Variants in SETD7 observed in about 807,000 individuals in gnomAD.
SETD7 encodes the protein SET domain containing 7, histone lysine methyltransferase.
A neutral mutation model predicts 41.8 loss-of-function variants in SETD7; 16 were observed. The ratio of observed to expected loss-of-function variants is 0.38; its 90% CI spans 0.26 to 0.58. The LOEUF is 0.58. Ranked by LOEUF, SETD7 falls within the 20% of genes least tolerant of loss-of-function variation. The pLI, the probability that SETD7 is intolerant of heterozygous loss-of-function variation, is 0.64. For missense variants in SETD7, 346 were observed against 459.7 expected, an observed-to-expected ratio of 0.75 and a Z score of 2.26; for synonymous variants, 163 against 169.7, an observed-to-expected ratio of 0.96 and a Z score of 0.31.
chr4:139,494,280 T>C (rs1038937592), downstream of SETD7, among the ~76,000 whole-genome samples: 28 of 152,192 alleles, frequency 1.8e-4, 1 homozygote, highest in Non-Finnish European at 7.3e-5. Context: ...TCAGATTGAA[T>C]GTACTCTCTC....
chr4:139,523,511 G>A (rs932756067), intron 4 of SETD7, 76 bp from the exon 5 acceptor site: 2 of 1,064,854 alleles, frequency 1.9e-6, no homozygotes, highest in South Asian at 1.5e-5. Context: ...TCTATTCATG[G>A]GACAACGAAG....
At chr4:139,526,288 T>C (rs1433790721) in intron 4 of SETD7, among the ~76,000 whole-genome samples, 3 of 152,006 alleles carry the variant, frequency 2.0e-5, no homozygotes, top group East Asian at 3.9e-4. Context: ...TTTTTTTTTT[T>C]TTAAAGACAG....
chr4:139,553,474 A>G (rs1728169324), intron 1 of SETD7, among the ~76,000 whole-genome samples: 1 of 152,188 alleles, frequency 6.6e-6, no homozygotes, highest in Non-Finnish European at 1.5e-5. Context: ...TGTTTCATAA[A>G]TTTGACTAAC....
intron 7 of SETD7, among the ~76,000 whole-genome samples, chr4:139,517,073 C>A (rs1579204581): frequency 6.6e-6 from 1 of 152,184 alleles, no homozygotes; most frequent in East Asian, 1.9e-4. Flanking sequence ...GTACTTCATT[C>A]CTTTTTAGTA....
At chr4:139,512,902 T>G (rs890252151) in intron 7 of SETD7, among the ~76,000 whole-genome samples, 1 of 151,206 alleles carries the variant, frequency 6.6e-6, no homozygotes, top group Non-Finnish European at 1.5e-5. Flanking sequence ...GGATTACAGG[T>G]GTGTGCTACC....
At chr4:139,495,061 A>G (rs181990846), downstream of SETD7, among the ~76,000 whole-genome samples, 2 of 152,378 alleles carry the variant, frequency 1.3e-5, no homozygotes, top group African/African-American at 4.8e-5. Flanking sequence ...TTCCAGATTA[A>G]TGCACAATCT....
downstream of SETD7, among the ~76,000 whole-genome samples, chr4:139,504,551 A>G (rs1726658115): frequency 6.6e-6 from 1 of 152,262 alleles, no homozygotes; most frequent in South Asian, 2.1e-4. Flanking sequence ...GAACAATCCC[A>G]AATCAGTCAG....
chr4:139,523,218 G>A, intron 5 of SETD7, 136 bp downstream of exon 5: 1 of 592,160 alleles, frequency 1.7e-6, no homozygotes. Context: ...CAAAGGAAAA[G>A]GACACTTTCA....
chr4:139,533,478 A>G lies in SETD7; in HGVS notation c.171-112T>C, dbSNP rs563277277. 8 of 869,056 alleles carry G rather than the reference A, an allele frequency of 9.2e-6. No individual in the cohort carries two copies. In the African/African-American group the frequency reaches 1.3e-4, roughly 15 times the overall value. 53.8% of individuals were successfully genotyped at this position (869,056 alleles called of 1,614,324 possible). ...CCCAGCTGTGTCAGCCCTGACATGG[A>G]TTCAGCGCAGCCTCCTAAATTATCA... is the stretch of plus-strand genomic sequence containing the variant. On this transcript the variant is annotated intron_variant, in intron 2 of 7. Coordinates refer to ENST00000274031, the MANE Select transcript of SETD7 (RefSeq NM_030648.4).
At chr4:139,553,486 C>T (rs1334268908) in intron 1 of SETD7, among the ~76,000 whole-genome samples, 2 of 152,196 alleles carry the variant, frequency 1.3e-5, no homozygotes, top group South Asian at 2.1e-4. Context: ...TTGACTAACT[C>T]ATTAAAAATA....
In SETD7 at chr4:139,555,904, C is replaced by T. The variant is rs1206233060; in HGVS notation, c.40+194G>A. On this transcript the variant is annotated intron_variant, in intron 1 of 7. Coordinates refer to ENST00000274031, the MANE Select transcript of SETD7 (RefSeq NM_030648.4). The surrounding 1 kb of genome is among the most constrained non-coding windows in gnomAD (Gnocchi z 4.0). ...GGCGGAGCCCCATTCTCGGCCTGCG[C>T]CCCGCCGCGCAGTGCGCGCTCCCGG... Among the ~76,000 whole-genome samples, 1 of 151,972 alleles carries T rather than the reference C, an allele frequency of 6.6e-6. No individual in the cohort carries two copies. Among genetic ancestry groups the T allele is most frequent in the Non-Finnish European group, 1.5e-5 (1 of 67,952 alleles).
chr4:139,501,635 T>C (rs1367219828), downstream of SETD7, among the ~76,000 whole-genome samples: 9 of 151,750 alleles, frequency 5.9e-5, no homozygotes, highest in Non-Finnish European at 1.0e-4. Context: ...AATAAATAAA[T>C]AAATAAAAGT....
chr4:139,513,419 CAA>C (rs201888132), intron 7 of SETD7, among the ~76,000 whole-genome samples: 19 of 83,258 alleles, frequency 2.3e-4, no homozygotes, highest in Admixed American at 4.0e-4. Context: ...GACTTTGTCT[CAA>C]AAAAAAAAAA....
At position 139,506,174 on chromosome 4, in the gene SETD7, GAC is replaced by G. The variant is rs1726696009; in HGVS notation, c.*5487_*5488del. ...CCTACTCTCTTGCATCATGCACCCA[GAC>G]ACACTACAAAAAACTCATTCATAAC... On this transcript the variant is annotated 3_prime_UTR_variant, in exon 8 of 8. Coordinates refer to ENST00000274031, the MANE Select transcript of SETD7 (RefSeq NM_030648.4). 6.6e-6 allele frequency: 1 copy of G among 152,498 alleles called. No individual in the cohort carries two copies. The highest frequency in any genetic ancestry group is 1.5e-5 in the Non-Finnish European group (1 of 68,016). The allele number at this position is 152,498 out of a possible 1,614,324, so 9.4% of individuals were successfully genotyped here.
chr4:139,523,001 G>A (rs1292660810), intron 5 of SETD7, among the ~76,000 whole-genome samples: 1 of 151,960 alleles, frequency 6.6e-6, no homozygotes, highest in African/African-American at 2.4e-5. Context: ...TGATCCGCCC[G>A]CCTTGGCCTC....
chr4:139,541,744 T>C (rs1399715553), intron 2 of SETD7, among the ~76,000 whole-genome samples: 1 of 152,252 alleles, frequency 6.6e-6, no homozygotes, highest in Non-Finnish European at 1.5e-5. Flanking sequence ...AATAAGCTGG[T>C]TGTAGTAACT....
intron 3 of SETD7, among the ~76,000 whole-genome samples, chr4:139,529,985 C>G (rs1285409767): frequency 6.6e-6 from 1 of 152,166 alleles, no homozygotes; most frequent in East Asian, 1.9e-4. Flanking sequence ...CTTCCATTTA[C>G]TTCATTGCTA....
intron 6 of SETD7, 67 bp downstream of exon 6, chr4:139,520,210 A>G (rs1012828679): frequency 2.6e-6 from 2 of 771,588 alleles, no homozygotes; most frequent in South Asian, 2.1e-5. Flanking sequence ...ACTAAGGTAA[A>G]GGGATTTTGT....
chr4:139,543,798 C>CAAAAAAAAAAAAAAAAAA (rs1182628309), intron 2 of SETD7, among the ~76,000 whole-genome samples: 2 of 119,934 alleles, frequency 1.7e-5, no homozygotes, highest in Non-Finnish European at 1.8e-5. Flanking sequence ...TAAAAAAATA[C>CAAAAAAAAAAAAAAAAAA]AAAAAAAAAA....
Sources: allele counts gnomAD v4.1 joint callset (sites outside exome capture counted in the v4.1 genomes callset), GRCh38; gene constraint gnomAD v4.1.1; non-coding constraint Gnocchi (gnomAD v3.1); transcripts MANE v1.5; gene names NCBI Gene and HGNC (gene_info 2026-07-23, HGNC 2026-07-21).